SORBS2: variants seen among roughly 807,000 people sequenced by gnomAD.
SORBS2 encodes sorbin and SH3 domain-containing protein 2.
Under a neutral mutation model 97.7 loss-of-function variants are expected in SORBS2, and 46 were observed. That is an observed-to-expected ratio of 0.47 (90% CI 0.37 to 0.60). SORBS2 has a LOEUF of 0.60. Ranked by LOEUF, SORBS2 falls within the 20% of genes least tolerant of loss-of-function variation. The pLI is 0.00. For synonymous variants in SORBS2, 476 were observed against 473.4 expected, an observed-to-expected ratio of 1.01 and a Z score of -0.07; for missense variants, 1,316 against 1,282.3, an observed-to-expected ratio of 1.03 and a Z score of -0.40.
intron 1 of SORBS2, among the ~76,000 whole-genome samples, chr4:185,935,495 C>T (rs1188914892): frequency 6.6e-6 from 1 of 152,148 alleles, no homozygotes; most frequent in Admixed American, 6.5e-5. Flanking sequence ...TATGTCCCAG[C>T]ACTATTCCAA....
chr4:185,777,945 A>G (rs548360688), intron 1 of SORBS2, among the ~76,000 whole-genome samples: 3 of 152,332 alleles, frequency 2.0e-5, no homozygotes, highest in African/African-American at 7.2e-5. Context: ...ATAAAAATAG[A>G]TTAATGTTGT....
intron 1 of SORBS2, among the ~76,000 whole-genome samples, chr4:185,949,368 C>A (rs1466315779): frequency 6.6e-6 from 1 of 152,188 alleles, no homozygotes; most frequent in Non-Finnish European, 1.5e-5. Flanking sequence ...TACTCCGAAA[C>A]AGATGGCATC....
At chr4:185,753,906 C>T (rs2098815571) in intron 2 of SORBS2, among the ~76,000 whole-genome samples, 1 of 152,152 alleles carries the variant, frequency 6.6e-6, no homozygotes, top group Non-Finnish European at 1.5e-5. Flanking sequence ...TCTGATAGAA[C>T]TTAAAACAGA....
chr4:185,948,666 C>T (rs1036564378), intron 1 of SORBS2, among the ~76,000 whole-genome samples: 3 of 151,348 alleles, frequency 2.0e-5, no homozygotes, highest in Admixed American at 6.6e-5. Context: ...TACAGGTGTC[C>T]GCCACCACTC....
intron 1 of SORBS2, among the ~76,000 whole-genome samples, chr4:185,853,936 T>A (rs1174193895): frequency 6.6e-6 from 1 of 152,242 alleles, no homozygotes; most frequent in Non-Finnish European, 1.5e-5. Context: ...GATGTGTTAT[T>A]CACATGTTAC....
intron 2 of SORBS2, among the ~76,000 whole-genome samples, chr4:185,692,584 C>T (rs60587705): frequency 0.016 from 2,409 of 152,186 alleles, 136 homozygotes; most frequent in East Asian, 0.15. Context: ...GAAAGCCTGG[C>T]TTTGTTCATT....
intron 1 of SORBS2, among the ~76,000 whole-genome samples, chr4:185,893,462 G>A (rs1281139246): frequency 6.6e-6 from 1 of 152,202 alleles, no homozygotes. Flanking sequence ...GGAGACCCGG[G>A]CCCTTCAGCA....
intron 1 of SORBS2, among the ~76,000 whole-genome samples, chr4:185,936,876 C>A (rs2149985694): frequency 6.6e-6 from 1 of 152,350 alleles, no homozygotes; most frequent in Admixed American, 6.5e-5. Context: ...CACAGCATGG[C>A]ACGGGCTGTC....
At chr4:185,803,675 A>G (rs2099141023) in intron 1 of SORBS2, among the ~76,000 whole-genome samples, 1 of 152,254 alleles carries the variant, frequency 6.6e-6, no homozygotes, top group African/African-American at 2.4e-5. Flanking sequence ...TAATTAAAAA[A>G]GCCATATTAA....
At chr4:185,790,949 T>C (rs1441086229) in intron 1 of SORBS2, among the ~76,000 whole-genome samples, 1 of 152,222 alleles carries the variant, frequency 6.6e-6, no homozygotes, top group Non-Finnish European at 1.5e-5. Flanking sequence ...CCATACTCTC[T>C]GTTCTCTGAA....
At chr4:185,803,838 C>G (rs941065527) in intron 1 of SORBS2, among the ~76,000 whole-genome samples, 1 of 152,168 alleles carries the variant, frequency 6.6e-6, no homozygotes, top group Non-Finnish European at 1.5e-5. Context: ...GATATATTAT[C>G]AGTCATCTGA....
At chr4:185,731,457 C>T (rs1554224982) in intron 2 of SORBS2, among the ~76,000 whole-genome samples, 6 of 143,656 alleles carry the variant, frequency 4.2e-5, no homozygotes, top group African/African-American at 1.0e-4. Context: ...CCCCTCCCTC[C>T]CTCCCTGCCT....
At chr4:185,669,298 G>A (rs1007800260) in intron 4 of SORBS2, among the ~76,000 whole-genome samples, 22 of 152,232 alleles carry the variant, frequency 1.4e-4, no homozygotes, top group African/African-American at 5.3e-4. Context: ...ATGGCAGAAT[G>A]CGGAAGTCAT....
intron 2 of SORBS2, among the ~76,000 whole-genome samples, chr4:185,764,343 A>C (rs2098921889): frequency 6.6e-6 from 1 of 152,236 alleles, no homozygotes; most frequent in South Asian, 2.1e-4. Context: ...GCCCATTATA[A>C]ATTTTCATAA....
intron 1 of SORBS2, among the ~76,000 whole-genome samples, chr4:185,946,379 G>A (rs954581389): frequency 2.0e-5 from 3 of 152,160 alleles, no homozygotes; most frequent in Non-Finnish European, 2.9e-5. Flanking sequence ...GGTGAGAATA[G>A]AAGAAACAGG....
intron 13 of SORBS2, 135 bp from the exon 26 acceptor site, chr4:185,589,920 G>A: frequency 1.6e-6 from 1 of 621,764 alleles, no homozygotes; most frequent in Non-Finnish European, 2.9e-6. Flanking sequence ...AGCCTGGTAA[G>A]CATGTAAATA....
chr4:185,679,799 CTTTG>C (rs1441810694), intron 2 of SORBS2, among the ~76,000 whole-genome samples: 1 of 152,284 alleles, frequency 6.6e-6, no homozygotes, highest in East Asian at 1.9e-4. Context: ...CTGGAAAAGT[CTTTG>C]TTTTTCTTTT....
intron 2 of SORBS2, among the ~76,000 whole-genome samples, chr4:185,747,533 G>A (rs1047217778): frequency 6.7e-6 from 1 of 148,466 alleles, no homozygotes; most frequent in African/African-American, 2.4e-5. Flanking sequence ...TAGAAGACAA[G>A]GCACTTGGGC....
chr4:185,629,512 T>C (rs538564774), intron 5 of SORBS2, among the ~76,000 whole-genome samples: 1 of 152,042 alleles, frequency 6.6e-6, no homozygotes, highest in East Asian at 1.9e-4. Context: ...GAGTTTGTAT[T>C]ATTCAATATT....
Sources: allele counts gnomAD v4.1 joint callset (sites outside exome capture counted in the v4.1 genomes callset), GRCh38; gene constraint gnomAD v4.1.1; transcripts MANE v1.5; gene names NCBI Gene and HGNC (gene_info 2026-07-23, HGNC 2026-07-21).